GPR89B: variants seen among roughly 807,000 people sequenced by gnomAD.
GPR89B encodes the protein G protein-coupled receptor 89B.
A neutral mutation model predicts 52.4 loss-of-function variants in GPR89B; 25 were observed. The observed-to-expected ratio is 0.48, with a 90% confidence interval of 0.35 to 0.67. GPR89B has a LOEUF of 0.67. GPR89B is among the 30% of genes least tolerant of loss of function. The pLI is 0.01. For synonymous variants in GPR89B, 52 were observed against 151.2 expected (o/e 0.34, Z 4.81); for missense variants, 146 against 450.2 (o/e 0.32, Z 6.11).
chr1:147,996,964 A>G (rs1333544988), downstream of GPR89B, among the ~76,000 whole-genome samples: 1 of 151,356 alleles, frequency 6.6e-6, no homozygotes, highest in African/African-American at 2.4e-5. Context: ...ACATGTACAC[A>G]AATGCACACA....
intron 8 of GPR89B, chr1:147,968,222 A>G (rs1657172077): frequency 6.6e-6 from 3 of 453,164 alleles, no homozygotes; most frequent in Non-Finnish European, 1.3e-5. Flanking sequence ...GAGTTCTTGG[A>G]AAATAACATA....
chr1:147,930,519 G>A (rs1558027553), intron 1 of GPR89B, among the ~76,000 whole-genome samples: 2 of 152,042 alleles, frequency 1.3e-5, no homozygotes, highest in Non-Finnish European at 2.9e-5. Context: ...TCAGTTGCAG[G>A]CACATAGTAG....
At chr1:147,995,221 G>A (rs1659286277), downstream of GPR89B, among the ~76,000 whole-genome samples, 1 of 149,930 alleles carries the variant, frequency 6.7e-6, no homozygotes, top group Non-Finnish European at 1.5e-5. Flanking sequence ...CCTGTTTTAT[G>A]GGTGGGAAAA....
intron 1 of GPR89B, 71 bp downstream of exon 1, chr1:147,928,649 G>T: frequency 6.3e-7 from 1 of 1,596,320 alleles, no homozygotes; most frequent in South Asian, 1.1e-5. Context: ...GGTCCTCCGC[G>T]GTGCGGGCTG....
intron 10 of GPR89B, among the ~76,000 whole-genome samples, chr1:147,984,722 A>C (rs1256954550): frequency 4.8e-4 from 72 of 148,502 alleles, no homozygotes; most frequent in African/African-American, 1.7e-3. Context: ...TTTCTCATTC[A>C]ATTCAAAATG....
At chr1:148,016,661 CAGG>C in the GPR89B span, among the ~76,000 whole-genome samples, 1 of 152,034 alleles carries the variant, frequency 6.6e-6, no homozygotes, top group Admixed American at 6.5e-5. Context: ...CTTCAGGAAT[CAGG>C]AGGTGTTGAG....
the GPR89B span, chr1:148,005,606 T>C: frequency 1.7e-6 from 2 of 1,162,100 alleles, no homozygotes; most frequent in Non-Finnish European, 2.5e-6. Flanking sequence ...CCCAGTCCTG[T>C]GATTGCCTCC....
chr1:147,945,900 T>C (rs1401764894), intron 5 of GPR89B, among the ~76,000 whole-genome samples: 1 of 151,710 alleles, frequency 6.6e-6, no homozygotes, highest in African/African-American at 2.4e-5. Flanking sequence ...AATTTTGGTA[T>C]TTTTTCATAG....
chr1:147,973,946 T>A (rs1388732876), intron 10 of GPR89B, among the ~76,000 whole-genome samples: 1 of 148,144 alleles, frequency 6.8e-6, no homozygotes, highest in Non-Finnish European at 1.5e-5. Flanking sequence ...ATTGCTTGTT[T>A]TTGTCAGCTT....
chr1:147,970,460 G>A (rs1657335132), intron 10 of GPR89B, among the ~76,000 whole-genome samples: 2 of 150,456 alleles, frequency 1.3e-5, no homozygotes, highest in East Asian at 2.0e-4. Flanking sequence ...TCACGCCACT[G>A]CACTCCAGCC....
chr1:147,950,621 G>A (rs373273428), intron 5 of GPR89B, among the ~76,000 whole-genome samples: 12,867 of 151,886 alleles, frequency 0.085, 1,106 homozygotes, highest in African/African-American at 0.22. Flanking sequence ...AGATCACGCC[G>A]CTGCACTCCA....
At chr1:147,966,099 G>A (rs1443617956) in intron 7 of GPR89B, among the ~76,000 whole-genome samples, 15 of 151,780 alleles carry the variant, frequency 9.9e-5, no homozygotes, top group African/African-American at 2.9e-4. Context: ...CACCTGCCTC[G>A]GCCTCCCAAA....
chr1:148,021,635 C>T, the GPR89B span, among the ~76,000 whole-genome samples: 2 of 151,666 alleles, frequency 1.3e-5, no homozygotes, highest in Middle Eastern at 3.4e-3. Flanking sequence ...ACCTTCCTGT[C>T]GAGGAAGGCC....
At chr1:147,950,149 C>A (rs1313180654) in intron 5 of GPR89B, among the ~76,000 whole-genome samples, 2 of 149,100 alleles carry the variant, frequency 1.3e-5, no homozygotes, top group Admixed American at 6.6e-5. Context: ...GGGTGGCTGC[C>A]GGGCGGAGGG....
chr1:147,971,273 C>T (rs1657442492), intron 10 of GPR89B, among the ~76,000 whole-genome samples: 1 of 151,474 alleles, frequency 6.6e-6, no homozygotes, highest in African/African-American at 2.4e-5. Context: ...CCTCAGCCTC[C>T]CGAGTGGCTG....
intron 7 of GPR89B, among the ~76,000 whole-genome samples, chr1:147,959,105 G>C (rs1281012930): frequency 1.3e-5 from 2 of 152,192 alleles, no homozygotes; most frequent in Non-Finnish European, 2.9e-5. Flanking sequence ...CACCTTAACA[G>C]TAGAGGGCCA....
chr1:147,977,529 C>A (rs2796956), intron 10 of GPR89B, among the ~76,000 whole-genome samples: 4 of 151,990 alleles, frequency 2.6e-5, no homozygotes, highest in Admixed American at 6.5e-5. Context: ...TCTGGCCTGT[C>A]TTGCTAGGTT....
chr1:147,982,890 T>C (rs1166718091), intron 10 of GPR89B, among the ~76,000 whole-genome samples: 2 of 152,128 alleles, frequency 1.3e-5, no homozygotes, highest in African/African-American at 4.8e-5. Flanking sequence ...TCCTAGGTAT[T>C]TTATTCTCTT....
chr1:148,008,727 A>C, the GPR89B span, among the ~76,000 whole-genome samples: 7 of 152,252 alleles, frequency 4.6e-5, no homozygotes, highest in East Asian at 1.4e-3. Context: ...TTCTCAAATC[A>C]CTATGTACCT....
Sources: allele counts gnomAD v4.1 joint callset (sites outside exome capture counted in the v4.1 genomes callset), GRCh38; gene constraint gnomAD v4.1.1; transcripts MANE v1.5; gene names NCBI Gene and HGNC (gene_info 2026-07-23, HGNC 2026-07-21).